The following TBX19 variants were observed in gnomAD, a reference collection of about 807,000 sequenced individuals.
TBX19 encodes T-box transcription factor 19, also known as T-box transcription factor TBX19.
TBX19 carries 33 observed loss-of-function variants against 40.9 expected under a neutral mutation model. The ratio of observed to expected loss-of-function variants is 0.81; its 90% confidence interval spans 0.61 to 1.08. TBX19 has a LOEUF of 1.08. TBX19 is among the 50% of genes least tolerant of loss of function. The pLI, the probability that TBX19 is intolerant of heterozygous loss-of-function variation, is 0.00. For synonymous variants in TBX19, 220 were observed against 225.0 expected, an observed-to-expected ratio of 0.98 and a Z score of 0.20; for missense variants, 494 against 574.0, an observed-to-expected ratio of 0.86 and a Z score of 1.42.
chr1:168,305,849 G>A (rs922297347), intron 6 of TBX19, among the ~76,000 whole-genome samples: 1 of 152,160 alleles, frequency 6.6e-6, no homozygotes, highest in Non-Finnish European at 1.5e-5. Flanking sequence ...AAAGAAGGGA[G>A]AAATGAAAAC....
intron 1 of TBX19, among the ~76,000 whole-genome samples, chr1:168,286,413 A>G (rs1330282080): frequency 6.6e-6 from 1 of 152,204 alleles, no homozygotes; most frequent in African/African-American, 2.4e-5. Context: ...GCAACCACTA[A>G]TCTACTTTCT....
intron 7 of TBX19, 134 bp from the exon 8 acceptor site, chr1:168,312,574 C>A: frequency 3.0e-6 from 3 of 1,013,532 alleles, no homozygotes; most frequent in South Asian, 2.7e-5. Flanking sequence ...TGCGTCATAG[C>A]TAGAAATAAA....
At position 168,313,164 on chromosome 1, in the gene TBX19, T is replaced by A; in HGVS notation, c.*162T>A. On this transcript the variant is annotated 3_prime_UTR_variant, in exon 8 of 8. Coordinates refer to ENST00000367821, the MANE Select transcript of TBX19 (RefSeq NM_005149.3). The stretch of plus-strand genomic sequence containing the variant: ...AGTCATACTGGGAGAGGGTTCAGTT[T>A]GGATGATGCTAGTTAGATCATTTGC... The A allele has an allele frequency of 2.5e-6, 2 of 804,524 alleles. No homozygotes were observed. The highest frequency in any genetic ancestry group is 4.0e-6 in the Non-Finnish European group (2 of 494,858). The allele number at this position is 804,524 out of a possible 1,614,324, so 49.8% of individuals were successfully genotyped here. A position where few individuals can be genotyped will look rare whatever the true frequency, so the allele number is the denominator to read the frequency against.
Position 168,288,210 on chromosome 1 carries a change from A to C in TBX19, c.204-2950A>C, listed in dbSNP as rs557520742. On this transcript the variant is annotated intron_variant, in intron 1 of 7. Transcript: ENST00000367821. ...CTATGCACATCCTCCCATATACTTA[A>C]GTTATTTCTGGATTATTTACAATAC... Among the ~76,000 whole-genome samples, 9 of 147,670 alleles carry C rather than the reference A, an allele frequency of 6.1e-5. No individual in the cohort carries two copies. In the East Asian group the frequency reaches 1.7e-3, roughly 28 times the overall value.
chr1:168,300,879 G>C (rs1002464081), intron 5 of TBX19, among the ~76,000 whole-genome samples: 1 of 152,182 alleles, frequency 6.6e-6, no homozygotes, highest in African/African-American at 2.4e-5. Context: ...GGTTCCCATA[G>C]CAATGTGTCA....
At chr1:168,286,608 A>G (rs1648810731) in intron 1 of TBX19, among the ~76,000 whole-genome samples, 1 of 152,198 alleles carries the variant, frequency 6.6e-6, no homozygotes, top group Admixed American at 6.5e-5. Flanking sequence ...GATATAACAC[A>G]TTTTATTTAT....
chr1:168,310,607 C>T (rs1237471740), intron 7 of TBX19, among the ~76,000 whole-genome samples: 2 of 150,978 alleles, frequency 1.3e-5, no homozygotes, highest in Non-Finnish European at 2.9e-5. Context: ...GTGTAATACT[C>T]ACATAGGATT....
intron 2 of TBX19, among the ~76,000 whole-genome samples, chr1:168,292,863 CAAA>C (rs751123603): frequency 9.1e-5 from 3 of 32,864 alleles, no homozygotes; most frequent in African/African-American, 2.4e-4. Context: ...GACTCCGTCT[CAAA>C]AAAAAAAAAA....
rs752120847 is a variant in TBX19 at position 168,293,290 on chromosome 1, TGTG to T, written c.603+13_603+15del. 7.8e-3 allele frequency: 11,195 copies of T among 1,438,722 alleles called. 42 individuals carry two copies. Among genetic ancestry groups the T allele is most frequent in the South Asian group, 0.018 (1,489 of 80,676 alleles). The allele number at this position is 1,438,722 out of a possible 1,614,324, so 89.1% of individuals were successfully genotyped here. A position where few individuals can be genotyped will look rare whatever the true frequency, so the allele number is the denominator to read the frequency against. On this transcript the variant is annotated intron_variant, in intron 3 of 7. Coordinates refer to ENST00000367821, the MANE Select transcript of TBX19 (RefSeq NM_005149.3). Reference sequence around the variant, plus strand: ...ATCAGAATGAGGAGGTAAGAGTGTGTGTGTGTGTGTGTGTGTGTGTGTGTGTGT... The same window carrying T: ...ATCAGAATGAGGAGGTAAGAGTGTGTTGTGTGTGTGTGTGTGTGTGTGTGT...
chr1:168,293,176 C>T lies in TBX19; in HGVS notation c.501C>T (p.Pro167=). The change falls in exon 3 of 8, where the codon CCC becomes CCT. Residue 167 remains proline, a synonymous_variant. Coordinates refer to ENST00000367821, the MANE Select transcript of TBX19 (RefSeq NM_005149.3). ...IMLNSLHKYE[P]QVHIVRVGSA... The stretch of plus-strand genomic sequence containing the variant: ...TGAATTCTCTGCATAAATATGAACC[C>T]CAGGTTCACATAGTGCGTGTTGGAA... 2 of 1,613,932 alleles carry T rather than the reference C, an allele frequency of 1.2e-6. No homozygotes were observed. Among genetic ancestry groups the T allele is most frequent in the Non-Finnish European group, 1.7e-6 (2 of 1,179,934 alleles).
intron 1 of TBX19, among the ~76,000 whole-genome samples, chr1:168,283,133 G>A (rs1367574833): frequency 2.6e-5 from 4 of 152,180 alleles, no homozygotes; most frequent in Non-Finnish European, 4.4e-5. Flanking sequence ...CCTTGAGCCC[G>A]GGATCAGTCT....
intron 1 of TBX19, among the ~76,000 whole-genome samples, chr1:168,287,169 C>T (rs144398268): frequency 6.6e-6 from 1 of 152,340 alleles, no homozygotes; most frequent in East Asian, 1.9e-4. Flanking sequence ...AACCTATTAG[C>T]AGTGAGGATA....
rs758812467 is a variant in TBX19 at position 168,305,032 on chromosome 1, C to T, written c.752C>T (p.Pro251Leu). ...GTGGGAGGCTGGATCTTTTCCAATCCAGATGGAGTGTGCACAGCAGGAAAC... is the reference window on the plus strand; with the variant it reads ...GTGGGAGGCTGGATCTTTTCCAATCTAGATGGAGTGTGCACAGCAGGAAAC... ...SHLGGWIFSN[P>L]DGVCTAGNSN... Residue 251 changes from proline (P) to leucine (L), a missense_variant, in exon 6 of 8, where the codon CCA becomes CTA. Pro to Leu is a moderately conservative substitution (Grantham distance 98). Around this residue, in one of 3 missense-constraint regions of TBX19, gnomAD observed 284 missense variants for 307.3 expected, o/e 0.92. Coordinates refer to ENST00000367821, the MANE Select transcript of TBX19 (RefSeq NM_005149.3). 5 of 1,614,104 alleles carry T rather than the reference C, an allele frequency of 3.1e-6. No individual in the cohort carries two copies. The East Asian group carries it at 8.9e-5, about 29-fold the overall frequency.
chr1:168,287,664 G>A lies in TBX19; in HGVS notation c.204-3496G>A, dbSNP rs142656712. Among the ~76,000 whole-genome samples, 769 of 152,258 alleles carry A rather than the reference G, an allele frequency of 5.1e-3. 4 individuals are homozygous for A. Among genetic ancestry groups the A allele is most frequent in the Non-Finnish European group, 7.7e-3 (525 of 68,026 alleles). ...GACATGTTTGTTGCCTGACTTCTTT[G>A]TTAGAATGTAAGCTTCATGAACAAG... On this transcript the variant is annotated intron_variant, in intron 1 of 7. Coordinates refer to ENST00000367821, the MANE Select transcript of TBX19 (RefSeq NM_005149.3).
chr1:168,309,302 G>C (rs971913826), intron 7 of TBX19, among the ~76,000 whole-genome samples: 1 of 152,192 alleles, frequency 6.6e-6, no homozygotes, highest in African/African-American at 2.4e-5. Flanking sequence ...GAACCCAGGA[G>C]GCAGAGGTTG....
intron 5 of TBX19, among the ~76,000 whole-genome samples, chr1:168,301,922 CCTCACA>C (rs1649282996): frequency 6.6e-6 from 1 of 152,192 alleles, no homozygotes; most frequent in African/African-American, 2.4e-5. Context: ...TGAAGCTGCT[CCTCACA>C]CTCACATCCC....
intron 4 of TBX19, among the ~76,000 whole-genome samples, chr1:168,300,026 A>T (rs978689035): frequency 3.3e-5 from 5 of 152,116 alleles, no homozygotes; most frequent in Non-Finnish European, 7.3e-5. Flanking sequence ...TAATCTACAA[A>T]ATTAGAAAAA....
At chr1:168,300,168 C>A (rs528684247) in intron 4 of TBX19, among the ~76,000 whole-genome samples, 1 of 151,948 alleles carries the variant, frequency 6.6e-6, no homozygotes, top group Non-Finnish European at 1.5e-5. Flanking sequence ...TTATTCAGAT[C>A]AAAATAAACA....
chr1:168,296,106 G>A (rs190823298), intron 3 of TBX19, among the ~76,000 whole-genome samples: 44 of 152,266 alleles, frequency 2.9e-4, no homozygotes, highest in Admixed American at 1.7e-3. Context: ...GATGCACCCC[G>A]AGTGGCGAGT....
Sources: allele counts gnomAD v4.1 joint callset (sites outside exome capture counted in the v4.1 genomes callset), GRCh38; gene constraint gnomAD v4.1.1; regional missense constraint gnomAD v4.1.1; transcripts MANE v1.5; gene names NCBI Gene and HGNC (gene_info 2026-07-23, HGNC 2026-07-21).